CAMK2B: variants seen among roughly 807,000 people sequenced by gnomAD.
The protein encoded by CAMK2B is calcium/calmodulin-dependent protein kinase type II subunit beta.
Under a neutral mutation model 93.7 loss-of-function variants are expected in CAMK2B, and 27 were observed. The ratio of observed to expected loss-of-function variants is 0.29; its 90% CI spans 0.21 to 0.40. CAMK2B has a LOEUF of 0.40. CAMK2B is among the 10% of genes least tolerant of loss of function. The pLI is 1.00. For missense variants in CAMK2B, 568 were observed against 895.8 expected, an observed-to-expected ratio of 0.63 and a Z score of 4.67; for synonymous variants, 374 against 358.8, an observed-to-expected ratio of 1.04 and a Z score of -0.48.
intron 1 of CAMK2B, among the ~76,000 whole-genome samples, chr7:44,300,916 A>T (rs1210675423): frequency 6.6e-6 from 1 of 152,220 alleles, no homozygotes; most frequent in African/African-American, 2.4e-5. Flanking sequence ...AAATACAGTA[A>T]TCATATAAAG....
At chr7:44,289,705 G>A (rs114651446) in intron 1 of CAMK2B, among the ~76,000 whole-genome samples, 1,794 of 152,300 alleles carry the variant, frequency 0.012, 36 homozygotes, top group African/African-American at 0.041. Flanking sequence ...AGAAAGAGCC[G>A]GCAGTGTGAT....
chr7:44,258,969 G>A, intron 3 of CAMK2B, 43 bp from the exon 4 acceptor site: 2 of 1,546,374 alleles, frequency 1.3e-6, no homozygotes, highest in Non-Finnish European at 1.8e-6. Flanking sequence ...AATAGCCCAG[G>A]ACACACCTCC....
intron 1 of CAMK2B, among the ~76,000 whole-genome samples, chr7:44,309,194 C>T (rs1425154211): frequency 6.6e-6 from 1 of 152,234 alleles, no homozygotes; most frequent in Middle Eastern, 3.2e-3. Flanking sequence ...TCACCACAGC[C>T]AGGCTGGTGC....
At chr7:44,295,618 T>G (rs1237414750) in intron 1 of CAMK2B, among the ~76,000 whole-genome samples, 1 of 152,186 alleles carries the variant, frequency 6.6e-6, no homozygotes, top group Non-Finnish European at 1.5e-5. Context: ...AAGTTCTACC[T>G]CCAGGAGCCC....
intron 1 of CAMK2B, among the ~76,000 whole-genome samples, chr7:44,295,145 C>G (rs1026539416): frequency 2.0e-5 from 3 of 152,192 alleles, no homozygotes; most frequent in Non-Finnish European, 2.9e-5. Context: ...TAACAGGTGC[C>G]TACCTCAAAT....
rs1010209930 is a variant in CAMK2B, at chr7:44,225,835, C to A, written c.1597+681G>T. 2 of 1,289,380 alleles carry A rather than the reference C, an allele frequency of 1.6e-6. No homozygotes were observed. Among genetic ancestry groups the A allele is most frequent in the South Asian group, 2.5e-5 (2 of 81,030 alleles). The allele number at this position is 1,289,380 out of a possible 1,614,324, so 79.9% of individuals were successfully genotyped here. A position where few individuals can be genotyped will look rare whatever the true frequency, so the allele number is the denominator to read the frequency against. ...TCTAAGAGTATCTCCACACCACCCC[C>A]AGTCTGGTGTCTCCCCACAGGTGGG... On this transcript the variant is annotated intron_variant, in intron 20 of 23. Coordinates refer to ENST00000395749, the MANE Select transcript of CAMK2B (RefSeq NM_001220.5). The surrounding 1 kb of genome is among the most constrained non-coding windows in gnomAD (Gnocchi z 5.0).
intron 2 of CAMK2B, among the ~76,000 whole-genome samples, chr7:44,264,548 G>C (rs572759270): frequency 1.3e-5 from 2 of 152,338 alleles, no homozygotes; most frequent in East Asian, 3.9e-4. Context: ...TCCCACGAGA[G>C]GGATTCAGAG....
chr7:44,267,980 C>T (rs576710981), intron 2 of CAMK2B: 1 of 152,392 alleles, frequency 6.6e-6, no homozygotes, highest in East Asian at 1.9e-4. Flanking sequence ...GCCATTCATC[C>T]TGCCAAACCT....
intron 4 of CAMK2B, 146 bp downstream of exon 4, chr7:44,258,726 G>A (rs759740102): frequency 9.1e-5 from 65 of 713,622 alleles, no homozygotes; most frequent in Non-Finnish European, 1.5e-4. Context: ...ACAGCTTGGA[G>A]CAAGGGGACC....
Position 44,228,914 on chromosome 7 carries a change from G to A in CAMK2B, c.1350C>T (p.Ile450=), listed in dbSNP as rs770263670. Residue 450 remains isoleucine, a synonymous_variant, in exon 19 of 24, where the codon ATC becomes ATT. Coordinates refer to ENST00000395749, the MANE Select transcript of CAMK2B (RefSeq NM_001220.5). ...TTCTCACAGAGTTCAGGATGTCAGA[G>A]ATCCTGGGGGCTGGGGTGGAACAGA... ...FSPLPAPSPR[I]SDILNSVRRG... 5.0e-6 allele frequency: 8 copies of A among 1,609,144 alleles called. No individual in the cohort carries two copies. The South Asian group carries it at 7.7e-5, about 15-fold the overall frequency.
intron 3 of CAMK2B, among the ~76,000 whole-genome samples, chr7:44,261,544 G>T (rs2096879280): frequency 6.6e-6 from 1 of 152,220 alleles, no homozygotes; most frequent in Non-Finnish European, 1.5e-5. Context: ...GTGGCAGCTG[G>T]TGGGGGAAAT....
intron 2 of CAMK2B, among the ~76,000 whole-genome samples, chr7:44,279,496 T>C (rs1168618611): frequency 6.6e-6 from 1 of 152,178 alleles, no homozygotes; most frequent in East Asian, 1.9e-4. Flanking sequence ...TGCGGGAAGG[T>C]CACAGCAGGG....
intron 22 of CAMK2B, 95 bp from the exon 23 acceptor site, chr7:44,220,389 C>T: frequency 9.6e-7 from 1 of 1,043,242 alleles, no homozygotes; most frequent in Non-Finnish European, 1.4e-6. Flanking sequence ...CCTCTCTCAA[C>T]TCCCCTTATT....
chr7:44,273,825 G>A (rs543373993), intron 2 of CAMK2B, among the ~76,000 whole-genome samples: 3 of 152,278 alleles, frequency 2.0e-5, no homozygotes, highest in Non-Finnish European at 4.4e-5. Context: ...ACAGCTGCCC[G>A]GAGGTTCCCA....
At chr7:44,316,810 A>G (rs1485643747) in intron 1 of CAMK2B, among the ~76,000 whole-genome samples, 7 of 152,142 alleles carry the variant, frequency 4.6e-5, no homozygotes, top group African/African-American at 1.2e-4. Context: ...ATAATTATTC[A>G]TAGTTATTTC....
At chr7:44,283,749 G>A (rs574235301) in intron 2 of CAMK2B, among the ~76,000 whole-genome samples, 1 of 152,346 alleles carries the variant, frequency 6.6e-6, no homozygotes, top group South Asian at 2.1e-4. Context: ...CACCATGGCG[G>A]CCTGGCCACC....
At chr7:44,269,614 C>T (rs888473799) in intron 2 of CAMK2B, among the ~76,000 whole-genome samples, 5 of 152,238 alleles carry the variant, frequency 3.3e-5, no homozygotes, top group Non-Finnish European at 5.9e-5. Context: ...TGGGTGGGCA[C>T]CGGGCCCCCC....
At chr7:44,230,540 G>A (rs1383034147) in intron 17 of CAMK2B, among the ~76,000 whole-genome samples, 1 of 152,178 alleles carries the variant, frequency 6.6e-6, no homozygotes, top group African/African-American at 2.4e-5. Flanking sequence ...GGAATCTGTG[G>A]TGCAGAAACC....
rs546517142 is a variant in CAMK2B, at chr7:44,226,544, C to T, written c.1569G>A (p.Pro523=). 108 of 1,471,188 alleles carry T rather than the reference C, an allele frequency of 7.3e-5. No homozygotes were observed. The highest frequency in any genetic ancestry group is 3.8e-4 in the East Asian group (14 of 36,820). The allele number at this position is 1,471,188 out of a possible 1,614,324, so 91.1% of individuals were successfully genotyped here. The part of the protein sequence containing the change: ...SPVGPPPCPS[P]TIPGPLPTPS... ...GGGTGGGCAGGGGGCCAGGGATAGT[C>T]GGAGATGGGCAGGGCGGGGGCCCCA... is the stretch of plus-strand genomic sequence containing the variant. The change falls in exon 20 of 24, where the codon CCG becomes CCA. Residue 523 remains proline (P), a synonymous_variant. Transcript: ENST00000395749.
Sources: gnomAD v4.1 joint callset for allele counts (sites outside exome capture counted in the v4.1 genomes callset) on GRCh38, gnomAD v4.1.1 for gene constraint, Gnocchi (gnomAD v3.1) non-coding constraint, MANE v1.5 for transcripts, NCBI Gene and HGNC (gene_info 2026-07-23, HGNC 2026-07-21) for gene names.